Variants in KLHL32 observed in about 807,000 individuals in gnomAD.
The protein encoded by KLHL32 is kelch like family member 32.
KLHL32 carries 35 observed loss-of-function variants against 64.8 expected under a neutral mutation model. The ratio of observed to expected loss-of-function variants is 0.54; its 90% CI spans 0.41 to 0.72. KLHL32 has a LOEUF of 0.72. Among genes scored for constraint, KLHL32 ranks in the 30% least tolerant of loss-of-function variants. The pLI is 0.00. For synonymous variants in KLHL32, 259 were observed against 281.0 expected (o/e 0.92, Z 0.78); for missense variants, 589 against 768.5 (o/e 0.77, Z 2.76).
At chr6:97,112,875 AAATT>A (rs1164317419) in intron 6 of KLHL32, among the ~76,000 whole-genome samples, 3 of 149,594 alleles carry the variant, frequency 2.0e-5, no homozygotes, top group Non-Finnish European at 1.5e-5. Context: ...TTTATTTATA[AAATT>A]ATTATAACAA....
chr6:96,922,015 G>A (rs574205238), upstream of KLHL32, among the ~76,000 whole-genome samples: 44 of 152,302 alleles, frequency 2.9e-4, no homozygotes, highest in African/African-American at 4.3e-4. Context: ...GGTTTCTTTC[G>A]TGTAAGACCT....
chr6:97,050,564 G>A (rs1052968537), intron 4 of KLHL32, among the ~76,000 whole-genome samples: 1 of 152,158 alleles, frequency 6.6e-6, no homozygotes, highest in African/African-American at 2.4e-5. Context: ...ATAGGGAAAG[G>A]TGGGGCTTGA....
intron 5 of KLHL32, among the ~76,000 whole-genome samples, chr6:97,078,927 G>A (rs372498091): frequency 1.6e-4 from 25 of 152,274 alleles, no homozygotes; most frequent in Admixed American, 1.1e-3. Flanking sequence ...GAGCCACGGC[G>A]GTAGCCAAAA....
chr6:97,028,955 C>A (rs1032337891), intron 3 of KLHL32, among the ~76,000 whole-genome samples: 5 of 152,112 alleles, frequency 3.3e-5, no homozygotes, highest in African/African-American at 1.2e-4. Flanking sequence ...TAAGGAGAAC[C>A]ATAGGGATCT....
At chr6:97,042,797 C>G (rs979037049) in intron 4 of KLHL32, among the ~76,000 whole-genome samples, 1 of 152,096 alleles carries the variant, frequency 6.6e-6, no homozygotes, top group Non-Finnish European at 1.5e-5. Context: ...GTCCATCCAC[C>G]CCTGCTACAG....
At chr6:97,122,713 GTC>G (rs1443876852) in intron 7 of KLHL32, among the ~76,000 whole-genome samples, 1 of 152,148 alleles carries the variant, frequency 6.6e-6, no homozygotes, top group Non-Finnish European at 1.5e-5. Flanking sequence ...TCTGTGGATT[GTC>G]TCTATGCTTT....
intron 3 of KLHL32, among the ~76,000 whole-genome samples, chr6:97,030,262 G>A (rs4839895): frequency 0.082 from 12,445 of 152,154 alleles, 1,063 homozygotes; most frequent in Admixed American, 0.22. Context: ...ATTTTTGTCA[G>A]TTTTGTGTCG....
intron 6 of KLHL32, among the ~76,000 whole-genome samples, chr6:97,103,522 G>T (rs1357398186): frequency 6.6e-6 from 1 of 152,090 alleles, no homozygotes; most frequent in East Asian, 1.9e-4. Context: ...CTTATTCTGG[G>T]ATTCTAACCA....
chr6:96,975,376 TC>T (rs1304168908), intron 2 of KLHL32, among the ~76,000 whole-genome samples: 1 of 152,250 alleles, frequency 6.6e-6, no homozygotes, highest in Non-Finnish European at 1.5e-5. Context: ...TACAATGCAT[TC>T]CTTTTGATGT....
In KLHL32 at chr6:97,140,036, A is replaced by T. The variant is rs1450863796; in HGVS notation, c.*754A>T. 2.6e-5 allele frequency: 4 copies of T among 152,148 alleles called. No homozygotes were observed. The highest frequency in any genetic ancestry group is 5.9e-5 in the Non-Finnish European group (4 of 68,008). 9.4% of individuals were successfully genotyped at this position (152,148 alleles called of 1,614,324 possible). A position where few individuals can be genotyped will look rare whatever the true frequency, so the allele number is the denominator to read the frequency against. ...AGAAAAATGTTGTTACTGAAATTAT[A>T]AGGTATTTTATTGTCTTTAGAACCT... On this transcript the variant is annotated 3_prime_UTR_variant, in exon 11 of 11. Transcript: ENST00000369261.
intron 3 of KLHL32, among the ~76,000 whole-genome samples, chr6:96,998,895 T>C (rs548771000): frequency 2.0e-5 from 3 of 152,374 alleles, no homozygotes; most frequent in African/African-American, 4.8e-5. Flanking sequence ...ATGAATACTT[T>C]GGCTTACACT....
chr6:97,036,654 G>T (rs1331984369), intron 3 of KLHL32, among the ~76,000 whole-genome samples: 1 of 152,232 alleles, frequency 6.6e-6, no homozygotes, highest in Non-Finnish European at 1.5e-5. Context: ...TGAGGAATGT[G>T]CAGGGGCACT....
intron 3 of KLHL32, among the ~76,000 whole-genome samples, chr6:97,029,968 G>A (rs558274385): frequency 7.2e-5 from 11 of 152,284 alleles, no homozygotes; most frequent in Non-Finnish European, 1.5e-4. Context: ...TAATCATTGC[G>A]AGTTGCTCTT....
At chr6:97,055,795 C>CAAA (rs1562286223) in intron 4 of KLHL32, among the ~76,000 whole-genome samples, 1 of 31,282 alleles carries the variant, frequency 3.2e-5, no homozygotes, top group Non-Finnish European at 4.9e-5. Context: ...GAGAACCTGT[C>CAAA]TAAAAAAAAA....
intron 5 of KLHL32, among the ~76,000 whole-genome samples, chr6:97,069,336 C>T (rs1790331854): frequency 1.3e-5 from 2 of 150,194 alleles, no homozygotes; most frequent in Admixed American, 1.3e-4. Context: ...AGTTAAGGTA[C>T]AAAGGTTTAA....
intron 7 of KLHL32, among the ~76,000 whole-genome samples, chr6:97,115,257 C>T (rs13203196): frequency 0.032 from 4,837 of 152,326 alleles, 90 homozygotes; most frequent in Middle Eastern, 0.071. Flanking sequence ...CTCAAGCAAT[C>T]CACCAGTCTT....
In KLHL32 at chr6:97,037,010, T is replaced by A. The variant is rs555946287; in HGVS notation, c.205-4482T>A. 5.9e-5 allele frequency among the ~76,000 whole-genome samples: 9 copies of A among 152,374 alleles called. No homozygotes were observed. The East Asian group carries it at 1.5e-3, about 26-fold the overall frequency. On this transcript the variant is annotated intron_variant, in intron 3 of 10. Coordinates refer to ENST00000369261, the MANE Select transcript of KLHL32 (RefSeq NM_052904.4). The stretch of plus-strand genomic sequence containing the variant: ...TCAGTTCTAAAAAATGTTCAATTTT[T>A]AAAATTTATGATAAAGTAAATTTCT...
chr6:97,037,715 A>G (rs1365812566), intron 3 of KLHL32, among the ~76,000 whole-genome samples: 2 of 152,170 alleles, frequency 1.3e-5, no homozygotes, highest in African/African-American at 2.4e-5. Context: ...ACCCCAAATA[A>G]CCAAAGCCAC....
intron 5 of KLHL32, among the ~76,000 whole-genome samples, chr6:97,071,071 T>C (rs1790640605): frequency 6.6e-6 from 1 of 152,162 alleles, no homozygotes; most frequent in South Asian, 2.1e-4. Flanking sequence ...TTTCAGTTTA[T>C]AAATAGGATC....
Sources: allele counts gnomAD v4.1 joint callset (sites outside exome capture counted in the v4.1 genomes callset), GRCh38; gene constraint gnomAD v4.1.1; transcripts MANE v1.5; gene names NCBI Gene and HGNC (gene_info 2026-07-23, HGNC 2026-07-21).